The following PCDH15 variants were observed in gnomAD, a reference collection of about 807,000 sequenced individuals.
PCDH15 encodes protocadherin-15.
Under a neutral mutation model 178.5 loss-of-function variants are expected in PCDH15, and 129 were observed. The ratio of observed to expected loss-of-function variants is 0.72; its 90% CI spans 0.63 to 0.84. PCDH15 has a LOEUF of 0.84. Among genes scored for constraint, PCDH15 ranks in the 40% least tolerant of loss-of-function variants. The probability of loss-of-function intolerance (pLI) is 0.00; values close to 1 mark genes in which losing one functional copy is unlikely to be tolerated. For missense variants in PCDH15, 2,230 were observed against 2,099.9 expected, an observed-to-expected ratio of 1.06 and a Z score of -1.21; for synonymous variants, 800 against 732.0, an observed-to-expected ratio of 1.09 and a Z score of -1.50.
At chr10:55,484,401 C>G (rs1195571404) in intron 2 of PCDH15, among the ~76,000 whole-genome samples, 3 of 151,528 alleles carry the variant, frequency 2.0e-5, no homozygotes, top group Admixed American at 6.6e-5. Context: ...AGAATACAAA[C>G]AAATGGAAAG....
At chr10:55,377,677 T>C (rs1837433194) in intron 2 of PCDH15, among the ~76,000 whole-genome samples, 1 of 152,158 alleles carries the variant, frequency 6.6e-6, no homozygotes, top group Non-Finnish European at 1.5e-5. Flanking sequence ...TACCTGGTAC[T>C]AACCTTTTAC....
At chr10:54,035,328 T>C (rs1465839279) in intron 18 of PCDH15, among the ~76,000 whole-genome samples, 2 of 151,952 alleles carry the variant, frequency 1.3e-5, no homozygotes, top group Non-Finnish European at 2.9e-5. Context: ...AGCAAATATA[T>C]TGGCACCATT....
chr10:54,925,743 T>C (rs1467514510), intron 2 of PCDH15, among the ~76,000 whole-genome samples: 1 of 152,176 alleles, frequency 6.6e-6, no homozygotes, highest in East Asian at 1.9e-4. Flanking sequence ...GGCACTTGGC[T>C]TGGCTTCTGA....
At chr10:54,108,539 G>C (rs1231116251) in intron 15 of PCDH15, among the ~76,000 whole-genome samples, 2 of 152,118 alleles carry the variant, frequency 1.3e-5, no homozygotes, top group African/African-American at 4.8e-5. Flanking sequence ...GGGGTTCTAG[G>C]TAAACTTGAA....
chr10:55,561,031 G>T (rs1222938274), intron 2 of PCDH15, among the ~76,000 whole-genome samples: 1 of 151,656 alleles, frequency 6.6e-6, no homozygotes, highest in African/African-American at 2.4e-5. Flanking sequence ...AAGATACTCT[G>T]GGAAGGTTAT....
chr10:54,999,012 C>A (rs1015032946), intron 2 of PCDH15, among the ~76,000 whole-genome samples: 4 of 151,880 alleles, frequency 2.6e-5, no homozygotes, highest in African/African-American at 9.7e-5. Context: ...CATTTTCTAT[C>A]TTTTCTTAGT....
At chr10:55,137,285 T>C (rs1048674576) in intron 2 of PCDH15, among the ~76,000 whole-genome samples, 1 of 152,222 alleles carries the variant, frequency 6.6e-6, no homozygotes, top group Middle Eastern at 3.2e-3. Flanking sequence ...ACATTTTCTA[T>C]GTTTATATGT....
At chr10:54,467,031 A>G (rs2077564517) in intron 3 of PCDH15, among the ~76,000 whole-genome samples, 1 of 151,972 alleles carries the variant, frequency 6.6e-6, no homozygotes, top group African/African-American at 2.4e-5. Context: ...TTTAATTTAT[A>G]TATCAAATCT....
At chr10:54,250,195 A>T (rs137911655) in intron 8 of PCDH15, among the ~76,000 whole-genome samples, 1,595 of 150,804 alleles carry the variant, frequency 0.011, 38 homozygotes, top group African/African-American at 0.037. Context: ...GGCATGAGTG[A>T]CTGCACCTGG....
At chr10:55,020,865 C>G (rs1326997025) in intron 2 of PCDH15, among the ~76,000 whole-genome samples, 1 of 152,170 alleles carries the variant, frequency 6.6e-6, no homozygotes, top group African/African-American at 2.4e-5. Context: ...AGTCATCTCT[C>G]TGCCCACCTC....
At chr10:53,874,683 A>G (rs1156528278) in intron 26 of PCDH15, among the ~76,000 whole-genome samples, 1 of 152,192 alleles carries the variant, frequency 6.6e-6, no homozygotes, top group Admixed American at 6.5e-5. Context: ...AAGAAAGATG[A>G]AAAGTTATAA....
chr10:55,446,311 GTA>G lies in PCDH15; in HGVS notation c.-156+181312_-156+181313del, dbSNP rs144192137. On this transcript the variant is annotated intron_variant, in intron 2 of 5. Coordinates refer to the PCDH15 transcript ENST00000613346. Reference sequence around the variant, plus strand: ...CAAATATATAGAGAGATAGATATGTGTATATATATATATATAAAACATTCTCA... The same window carrying G: ...CAAATATATAGAGAGATAGATATGTGTATATATATATATAAAACATTCTCA... 1.6e-3 allele frequency among the ~76,000 whole-genome samples: 240 copies of G among 149,148 alleles called. 3 individuals are homozygous for G. Among genetic ancestry groups the G allele is most frequent in the African/African-American group, 4.9e-3 (198 of 40,782 alleles).
chr10:53,876,730 G>T (rs1198345647), intron 26 of PCDH15, among the ~76,000 whole-genome samples: 1 of 151,934 alleles, frequency 6.6e-6, no homozygotes, highest in Non-Finnish European at 1.5e-5. Context: ...TGACTACAAT[G>T]CAATATTAAT....
chr10:54,388,333 G>T (rs1950159064), intron 3 of PCDH15, among the ~76,000 whole-genome samples: 1 of 152,146 alleles, frequency 6.6e-6, no homozygotes, highest in African/African-American at 2.4e-5. Flanking sequence ...GAACCCAAAT[G>T]TCACCCAGCT....
chr10:53,862,945 G>C (rs1230284679), intron 27 of PCDH15, among the ~76,000 whole-genome samples: 1 of 152,192 alleles, frequency 6.6e-6, no homozygotes, highest in Admixed American at 6.5e-5. Flanking sequence ...AGGTTTAGGA[G>C]AGAAAGGAGT....
intron 2 of PCDH15, among the ~76,000 whole-genome samples, chr10:54,603,235 T>C (rs1209396931): frequency 1.3e-5 from 2 of 151,966 alleles, no homozygotes; most frequent in Non-Finnish European, 2.9e-5. Context: ...ATGTTTCCTC[T>C]TTCATATACA....
At chr10:55,328,530 C>T (rs1037025616) in intron 2 of PCDH15, among the ~76,000 whole-genome samples, 3 of 151,596 alleles carry the variant, frequency 2.0e-5, no homozygotes, top group South Asian at 2.1e-4. Context: ...CTTATGGGAT[C>T]GCCATTATAT....
At chr10:54,538,370 C>G (rs563070806) in intron 2 of PCDH15, among the ~76,000 whole-genome samples, 1 of 106,868 alleles carries the variant, frequency 9.4e-6, no homozygotes, top group Non-Finnish European at 1.8e-5. Flanking sequence ...ATAGGGGGTA[C>G]TTTCCCCATT....
chr10:55,121,246 A>G (rs529043055), intron 2 of PCDH15, among the ~76,000 whole-genome samples: 127 of 152,162 alleles, frequency 8.3e-4, no homozygotes, highest in African/African-American at 3.1e-3. Context: ...TGGGTTTTAG[A>G]CTTGGGATCT....
Sources: gnomAD v4.1 joint callset for allele counts (sites outside exome capture counted in the v4.1 genomes callset) on GRCh38, gnomAD v4.1.1 for gene constraint, MANE v1.5 for transcripts, NCBI Gene and HGNC (gene_info 2026-07-23, HGNC 2026-07-21) for gene names.